Variants in AMZ1 observed in about 807,000 individuals in gnomAD.
The protein encoded by AMZ1 is archaelysin family metallopeptidase 1.
Under a neutral mutation model 29.9 loss-of-function variants are expected in AMZ1, and 39 were observed. The observed-to-expected ratio is 1.30, with a 90% CI of 1.01 to 1.70. AMZ1 has a LOEUF of 1.70. AMZ1 is among the 40% of genes most tolerant of loss of function. The pLI, the probability that AMZ1 is intolerant of heterozygous loss-of-function variation, is 0.00. For missense variants in AMZ1, 1,041 were observed against 680.6 expected (o/e 1.53, Z -5.89); for synonymous variants, 458 against 304.0 (o/e 1.51, Z -5.27).
At position 2,688,210 on chromosome 7, in the gene AMZ1, C is replaced by G. The variant is rs1187554194; in HGVS notation, c.-305C>G. The G allele has an allele frequency of 6.6e-6, 1 of 152,192 alleles. No homozygotes were observed. Among genetic ancestry groups the G allele is most frequent in the Non-Finnish European group, 1.5e-5 (1 of 68,114 alleles). 9.4% of individuals were successfully genotyped at this position (152,192 alleles called of 1,614,324 possible). A position where few individuals can be genotyped will look rare whatever the true frequency, so the allele number is the denominator to read the frequency against. ...CGTCACCGGGACCTCCCGATCCTCC[C>G]GGCCCAGGCCGAGCTGCCCACGCTG... On this transcript the variant is annotated 5_prime_UTR_variant, in exon 1 of 7. Coordinates refer to ENST00000683327, the MANE Select transcript of AMZ1 (RefSeq NM_001384743.1).
intron 4 of AMZ1, among the ~76,000 whole-genome samples, chr7:2,744,952 GAA>G (rs1435458746): frequency 1.3e-5 from 2 of 152,206 alleles, no homozygotes; most frequent in African/African-American, 4.8e-5. Context: ...AATGAAGTGA[GAA>G]GAGAAGCTTA....
chr7:2,756,785 CTT>C (rs1178007620), intron 4 of AMZ1, among the ~76,000 whole-genome samples: 1 of 152,120 alleles, frequency 6.6e-6, no homozygotes, highest in Admixed American at 6.5e-5. Context: ...GATTTGGTTA[CTT>C]TAAGTTAGTC....
chr7:2,725,344 GCT>G (rs1205603831), intron 4 of AMZ1, among the ~76,000 whole-genome samples: 1 of 152,254 alleles, frequency 6.6e-6, no homozygotes, highest in Non-Finnish European at 1.5e-5. Flanking sequence ...GACGGACACA[GCT>G]GCGCGAGGGG....
At chr7:2,706,835 A>G (rs1343886307) in intron 3 of AMZ1, among the ~76,000 whole-genome samples, 1 of 152,194 alleles carries the variant, frequency 6.6e-6, no homozygotes, top group East Asian at 1.9e-4. Flanking sequence ...GTCAATCATC[A>G]TCACCTCATT....
chr7:2,685,915 C>T (rs1787063411), upstream of AMZ1, among the ~76,000 whole-genome samples: 2 of 151,968 alleles, frequency 1.3e-5, no homozygotes, highest in Non-Finnish European at 1.5e-5. Context: ...GTTCTCCATC[C>T]CCAACAGAAA....
intron 1 of AMZ1, among the ~76,000 whole-genome samples, chr7:2,696,356 A>G (rs1315832876): frequency 2.0e-5 from 3 of 147,070 alleles, no homozygotes; most frequent in African/African-American, 5.0e-5. Flanking sequence ...TCCCAGGTTC[A>G]CGCCATTCTC....
At chr7:2,703,678 A>T (rs985531184) in intron 3 of AMZ1, among the ~76,000 whole-genome samples, 3 of 152,144 alleles carry the variant, frequency 2.0e-5, no homozygotes, top group African/African-American at 7.2e-5. Context: ...GAGCGGATGG[A>T]CAGCTTTCAT....
rs1361983024 is a variant in AMZ1, at chr7:2,689,787, G to A, written c.-219+1491G>A. 3.3e-5 allele frequency among the ~76,000 whole-genome samples: 5 copies of A among 152,352 alleles called. No individual in the cohort carries two copies. The South Asian group carries it at 6.2e-4, about 19-fold the overall frequency. ...ACTGTGACAGGGTCCAAAGGACAGC[G>A]AGAAACCTCCATCTGGGGGTCTCCT... On this transcript the variant is annotated intron_variant, in intron 1 of 6. Coordinates refer to ENST00000683327, the MANE Select transcript of AMZ1 (RefSeq NM_001384743.1).
At chr7:2,737,274 GTTTTTTTTTTTTTTGTTT>G (rs900652070) in intron 4 of AMZ1, among the ~76,000 whole-genome samples, 4 of 35,046 alleles carry the variant, frequency 1.1e-4, no homozygotes, top group African/African-American at 2.0e-4. Context: ...GTTTTGTTTT[GTTTTTTTTTTTTTTGTTT>G]TTTTTTTTTT....
upstream of AMZ1, chr7:2,762,365 A>T: frequency 2.5e-6 from 1 of 406,588 alleles, no homozygotes; most frequent in Non-Finnish European, 4.3e-6. Context: ...CCGAATCCAG[A>T]CACGGTATGG....
chr7:2,688,034 G>C (rs1787154198), upstream of AMZ1, among the ~76,000 whole-genome samples: 1 of 152,200 alleles, frequency 6.6e-6, no homozygotes, highest in African/African-American at 2.4e-5. Flanking sequence ...GTTTCTGGGA[G>C]GCTGGAGGGT....
At chr7:2,735,205 C>T (rs998160863) in intron 4 of AMZ1, among the ~76,000 whole-genome samples, 7 of 152,204 alleles carry the variant, frequency 4.6e-5, no homozygotes, top group Admixed American at 1.3e-4. Context: ...GGAGGTGCCA[C>T]GCAAGCCCAA....
At chr7:2,733,346 G>A (rs1252355238) in intron 4 of AMZ1, 7 of 864,002 alleles carry the variant, frequency 8.1e-6, no homozygotes, top group South Asian at 2.9e-5. Flanking sequence ...GAACAAGCTC[G>A]GCCTGTCAGT....
intron 4 of AMZ1, among the ~76,000 whole-genome samples, chr7:2,740,434 C>T (rs1422294396): frequency 6.6e-6 from 1 of 152,206 alleles, no homozygotes; most frequent in African/African-American, 2.4e-5. Flanking sequence ...AGCTGGCCGT[C>T]TGCAAGCGAG....
At chr7:2,754,028 C>A (rs1192651728) in intron 4 of AMZ1, among the ~76,000 whole-genome samples, 1 of 152,242 alleles carries the variant, frequency 6.6e-6, no homozygotes, top group Non-Finnish European at 1.5e-5. Flanking sequence ...CCCTTAAGTT[C>A]AGCGTTACTC....
rs895679943 is a variant in AMZ1 at position 2,716,845 on chromosome 7, C to T, written c.*3967C>T. Among the ~76,000 whole-genome samples, 1 of 152,238 alleles carries T rather than the reference C, an allele frequency of 6.6e-6. No individual in the cohort carries two copies. Among genetic ancestry groups the T allele is most frequent in the Non-Finnish European group, 1.5e-5 (1 of 68,056 alleles). On this transcript the variant is annotated 3_prime_UTR_variant, in exon 7 of 7. Transcript: ENST00000683327. ...TGACCTGTAAGGCAGATGGCTGCATCCCCACCATATGGCTGTGGCTGTCGA... is the reference window on the plus strand; with the variant it reads ...TGACCTGTAAGGCAGATGGCTGCATTCCCACCATATGGCTGTGGCTGTCGA...
intron 6 of AMZ1, among the ~76,000 whole-genome samples, chr7:2,710,816 G>C (rs61128220): frequency 0.12 from 17,843 of 152,276 alleles, 1,703 homozygotes; most frequent in East Asian, 0.56. Flanking sequence ...AGCATCTCCC[G>C]AGGGTACAGG....
chr7:2,744,076 A>G (rs866284504), intron 4 of AMZ1, among the ~76,000 whole-genome samples: 7 of 152,356 alleles, frequency 4.6e-5, no homozygotes, highest in Middle Eastern at 6.8e-3. Context: ...CTGCCTCTGT[A>G]GGTTCCCCCT....
At chr7:2,742,780 C>G (rs1420821251) in intron 4 of AMZ1, among the ~76,000 whole-genome samples, 1 of 152,204 alleles carries the variant, frequency 6.6e-6, no homozygotes, top group Non-Finnish European at 1.5e-5. Context: ...GGTATGTAAT[C>G]TTTTATGGTG....
Sources: allele counts gnomAD v4.1 joint callset (sites outside exome capture counted in the v4.1 genomes callset), GRCh38; gene constraint gnomAD v4.1.1; transcripts MANE v1.5; gene names NCBI Gene and HGNC (gene_info 2026-07-23, HGNC 2026-07-21).